Variants in CMPK1 observed in about 807,000 individuals in gnomAD.
The protein encoded by CMPK1 is cytidine/uridine monophosphate kinase 1, also known as UMP-CMP kinase.
CMPK1 carries 10 observed loss-of-function variants against 25.7 expected under a neutral mutation model. The observed-to-expected ratio is 0.39, with a 90% CI of 0.24 to 0.66. The LOEUF (loss-of-function observed/expected upper bound fraction) is 0.66, where lower values mean the gene tolerates loss of function less well. Among genes scored for constraint, CMPK1 ranks in the 30% least tolerant of loss-of-function variants. The probability of loss-of-function intolerance (pLI) is 0.48; values close to 1 mark genes in which losing one functional copy is unlikely to be tolerated. For synonymous variants in CMPK1, 106 were observed against 101.5 expected (o/e 1.04, Z -0.27); for missense variants, 199 against 280.5 (o/e 0.71, Z 2.08).
In CMPK1 at chr1:47,378,298, A is replaced by G. The variant is rs942167909; in HGVS notation, c.*1553A>G. 21 of 152,208 alleles carry G rather than the reference A, an allele frequency of 1.4e-4. No individual in the cohort carries two copies. The highest frequency in any genetic ancestry group is 6.5e-4 in the Admixed American group (10 of 15,278). 9.4% of individuals were successfully genotyped at this position (152,208 alleles called of 1,614,324 possible). On this transcript the variant is annotated 3_prime_UTR_variant, in exon 6 of 6. Coordinates refer to ENST00000371873, the MANE Select transcript of CMPK1 (RefSeq NM_016308.3). ...TCTTGGTTTCTTGGAAGAGATAGGA[A>G]TGAGTTCTTATCTAGTGTTGCAGGC...
chr1:47,364,879 C>T (rs555048882), intron 1 of CMPK1, among the ~76,000 whole-genome samples: 2 of 152,056 alleles, frequency 1.3e-5, no homozygotes, highest in Admixed American at 6.6e-5. Context: ...CCTCCTGCCT[C>T]AAACTCCTAA....
chr1:47,350,453 T>C (rs1646515028), intron 1 of CMPK1, among the ~76,000 whole-genome samples: 1 of 152,056 alleles, frequency 6.6e-6, no homozygotes, highest in Non-Finnish European at 1.5e-5. Flanking sequence ...GGTTTCACCA[T>C]GTTACCTAGG....
At chr1:47,351,331 G>A (rs1330430720) in intron 1 of CMPK1, among the ~76,000 whole-genome samples, 1 of 152,074 alleles carries the variant, frequency 6.6e-6, no homozygotes, top group Non-Finnish European at 1.5e-5. Context: ...CACCTGCCTC[G>A]AGCTCCCAAA....
chr1:47,347,582 G>A (rs543900497), intron 1 of CMPK1, among the ~76,000 whole-genome samples: 48 of 152,246 alleles, frequency 3.2e-4, no homozygotes, highest in African/African-American at 1.0e-3. Flanking sequence ...AAGATATGAT[G>A]TAATTGAAAG....
rs779109599 is a variant in CMPK1, at chr1:47,374,968, A to G, written c.531A>G (p.Arg177=). 1.2e-6 allele frequency: 2 copies of G among 1,612,924 alleles called. No individual in the cohort carries two copies. Among genetic ancestry groups the G allele is most frequent in the Non-Finnish European group, 1.7e-6 (2 of 1,179,404 alleles). Residue 177 remains arginine, a synonymous_variant, in exon 4 of 6, where the codon AGA becomes AGG. Coordinates refer to ENST00000371873, the MANE Select transcript of CMPK1 (RefSeq NM_016308.3). ...GTAGTGGTAGGAGTGATGACAACAGAGAGAGCTTGGAAAAGAGGTACTTGG... is the reference window on the plus strand; with the variant it reads ...GTAGTGGTAGGAGTGATGACAACAGGGAGAGCTTGGAAAAGAGGTACTTGG... ...GKSSGRSDDN[R]ESLEKRIQTY... is the part of the protein sequence containing the mutation.
In CMPK1 at chr1:47,375,322, AAT is replaced by A. The variant is rs745668983; in HGVS notation, c.645+32_645+33del. The A allele has an allele frequency of 2.7e-5, 36 of 1,334,568 alleles. No homozygotes were observed. In the Admixed American group the frequency reaches 4.6e-4, roughly 17 times the overall value. 82.7% of individuals were successfully genotyped at this position (1,334,568 alleles called of 1,614,324 possible). Reference sequence around the variant, plus strand: ...AGTGTTCCTAGCCTGTCTTTAAAAAAATATGTCAAATAAAAATGTGATTATTT... The same window carrying A: ...AGTGTTCCTAGCCTGTCTTTAAAAAAATGTCAAATAAAAATGTGATTATTT... On this transcript the variant is annotated intron_variant, in intron 5 of 5. Transcript: ENST00000371873.
chr1:47,375,955 A>C (rs6660321), intron 5 of CMPK1, among the ~76,000 whole-genome samples: 25,118 of 152,130 alleles, frequency 0.17, 2,751 homozygotes, highest in East Asian at 0.54. Context: ...ATCTTTTTTT[A>C]ATCCATTGAC....
chr1:47,362,753 T>A (rs2149331944), intron 1 of CMPK1, among the ~76,000 whole-genome samples: 1 of 152,376 alleles, frequency 6.6e-6, no homozygotes, highest in African/African-American at 2.4e-5. Context: ...GGATTTGCGA[T>A]GAAATATGCA....
At chr1:47,342,298 T>G (rs1458299526) in intron 1 of CMPK1, among the ~76,000 whole-genome samples, 2 of 151,900 alleles carry the variant, frequency 1.3e-5, no homozygotes, top group Non-Finnish European at 1.5e-5. Flanking sequence ...GCCAGGCTGG[T>G]CTTGAATTCT....
At chr1:47,348,833 G>A (rs909806346) in intron 1 of CMPK1, among the ~76,000 whole-genome samples, 9 of 152,160 alleles carry the variant, frequency 5.9e-5, no homozygotes, top group African/African-American at 2.2e-4. Flanking sequence ...AATTATGTAT[G>A]ATTTAGTTAG....
intron 1 of CMPK1, among the ~76,000 whole-genome samples, chr1:47,365,162 T>A (rs564737847): frequency 6.6e-6 from 1 of 152,150 alleles, no homozygotes; most frequent in Non-Finnish European, 1.5e-5. Flanking sequence ...TCAGTAGCAG[T>A]TCAGTGGCAA....
chr1:47,334,180 C>A, intron 1 of CMPK1, 64 bp downstream of exon 1: 1 of 1,247,308 alleles, frequency 8.0e-7, no homozygotes, highest in South Asian at 2.6e-5. Context: ...CCTGTCCCGC[C>A]GCCCCTAGTC....
intron 1 of CMPK1, among the ~76,000 whole-genome samples, chr1:47,337,085 C>T (rs2149323343): frequency 6.6e-6 from 1 of 152,248 alleles, no homozygotes; most frequent in South Asian, 2.1e-4. Flanking sequence ...GAGATTGAGA[C>T]CATCCTGGCT....
chr1:47,344,008 C>T (rs901510513), intron 1 of CMPK1, among the ~76,000 whole-genome samples: 11 of 151,094 alleles, frequency 7.3e-5, no homozygotes, highest in Non-Finnish European at 1.3e-4. Context: ...TTCAAGGCTG[C>T]AATAAGACAT....
chr1:47,343,564 C>T (rs1193766004), intron 1 of CMPK1, among the ~76,000 whole-genome samples: 1 of 150,474 alleles, frequency 6.6e-6, no homozygotes, highest in African/African-American at 2.4e-5. Flanking sequence ...GTCATTTATT[C>T]AGAAAACATT....
At chr1:47,336,504 A>C (rs1246671584) in intron 1 of CMPK1, among the ~76,000 whole-genome samples, 2 of 151,724 alleles carry the variant, frequency 1.3e-5, no homozygotes, top group Admixed American at 6.6e-5. Context: ...TATATTGGTT[A>C]TTTTTATTGG....
intron 1 of CMPK1, among the ~76,000 whole-genome samples, chr1:47,364,178 A>C (rs528000493): frequency 6.6e-5 from 10 of 152,226 alleles, no homozygotes; most frequent in African/African-American, 2.2e-4. Flanking sequence ...GGCCAAAAGA[A>C]AAAAAAAGAT....
chr1:47,344,848 C>T (rs1256126780), intron 1 of CMPK1, among the ~76,000 whole-genome samples: 1 of 151,742 alleles, frequency 6.6e-6, no homozygotes, highest in Non-Finnish European at 1.5e-5. Context: ...GCCTCCCTAA[C>T]TAGAGTGTAA....
intron 1 of CMPK1, among the ~76,000 whole-genome samples, chr1:47,339,049 T>TTG (rs1646420408): frequency 1.4e-5 from 2 of 147,598 alleles, no homozygotes; most frequent in South Asian, 4.2e-4. Flanking sequence ...CCAGAAAACT[T>TTG]TTTTTTTTTT....
Sources: gnomAD v4.1 joint callset for allele counts (sites outside exome capture counted in the v4.1 genomes callset) on GRCh38, gnomAD v4.1.1 for gene constraint, MANE v1.5 for transcripts, NCBI Gene and HGNC (gene_info 2026-07-23, HGNC 2026-07-21) for gene names.